The following MRTFB variants were observed in gnomAD, a reference collection of about 807,000 sequenced individuals.
MRTFB encodes myocardin-related transcription factor B.
A neutral mutation model predicts 104.2 loss-of-function variants in MRTFB; 29 were observed. The ratio of observed to expected loss-of-function variants is 0.28; its 90% CI spans 0.21 to 0.38. The LOEUF (loss-of-function observed/expected upper bound fraction) is 0.38. MRTFB is among the 10% of genes least tolerant of loss of function. MRTFB has a pLI of 1.00. For synonymous variants in MRTFB, 535 were observed against 519.5 expected, an observed-to-expected ratio of 1.03 and a Z score of -0.41; for missense variants, 1,270 against 1,341.6, an observed-to-expected ratio of 0.95 and a Z score of 0.83.
At chr16:14,226,702 TG>T (rs2042017831) in intron 8 of MRTFB, among the ~76,000 whole-genome samples, 1 of 152,082 alleles carries the variant, frequency 6.6e-6, no homozygotes, top group Non-Finnish European at 1.5e-5. Flanking sequence ...TGGCCAGACA[TG>T]GTGACTCACG....
chr16:14,177,947 T>A lies in MRTFB; in HGVS notation c.155-32296T>A, dbSNP rs941901213. Among the ~76,000 whole-genome samples the A allele has an allele frequency of 6.8e-6, 1 of 147,094 alleles. No homozygotes were observed. The highest frequency in any genetic ancestry group is 2.1e-4 in the East Asian group (1 of 4,758). ...GTGTGTGTGTGTGTGCACGCATTGG[T>A]GGGTGTTTAGAGTTAATAATTGATG... On this transcript the variant is annotated intron_variant, in intron 3 of 16. Transcript: ENST00000571589. The surrounding 1 kb of genome is among the most constrained non-coding windows in gnomAD (Gnocchi z 4.7).
At chr16:14,186,606 A>T in intron 3 of MRTFB, 1 of 831,814 alleles carries the variant, frequency 1.2e-6, no homozygotes, top group Non-Finnish European at 1.6e-6. Context: ...GGAAGCTGGA[A>T]TGGCAAGGGA....
intron 2 of MRTFB, among the ~76,000 whole-genome samples, chr16:14,126,214 C>T (rs1457564782): frequency 6.6e-6 from 1 of 151,848 alleles, no homozygotes; most frequent in Admixed American, 6.6e-5. Context: ...TTTAAAAAAA[C>T]CTTAGTTTAT....
intron 2 of MRTFB, among the ~76,000 whole-genome samples, chr16:14,120,307 TGTCA>T (rs2142278853): frequency 6.6e-6 from 1 of 152,332 alleles, no homozygotes; most frequent in African/African-American, 2.4e-5. Flanking sequence ...AAGTCATACT[TGTCA>T]GTCTGTTCAT....
intron 2 of MRTFB, among the ~76,000 whole-genome samples, chr16:14,109,187 A>G (rs1345689275): frequency 6.6e-6 from 1 of 152,194 alleles, no homozygotes; most frequent in African/African-American, 2.4e-5. Context: ...GCTGTTCCCA[A>G]GGAAGCTGTT....
intron 3 of MRTFB, chr16:14,143,874 C>G (rs938897508): frequency 6.6e-6 from 1 of 152,030 alleles, no homozygotes; most frequent in Non-Finnish European, 1.5e-5. Flanking sequence ...GTTATGATTA[C>G]CTAGTGAAAA....
At chr16:14,226,271 T>C (rs150082406) in intron 8 of MRTFB, among the ~76,000 whole-genome samples, 5 of 152,304 alleles carry the variant, frequency 3.3e-5, no homozygotes, top group Admixed American at 1.3e-4. Flanking sequence ...TTAAAAAAGT[T>C]AGAGGTCTCA....
At chr16:14,146,244 C>G in intron 3 of MRTFB, among the ~76,000 whole-genome samples, 1 of 152,210 alleles carries the variant, frequency 6.6e-6, no homozygotes, top group Non-Finnish European at 1.5e-5. Flanking sequence ...TCAGTATCAT[C>G]TACCTCCCTC....
At chr16:14,031,081 A>T in the MRTFB span, among the ~76,000 whole-genome samples, 4 of 152,208 alleles carry the variant, frequency 2.6e-5, no homozygotes, top group Non-Finnish European at 4.4e-5. Flanking sequence ...GCCCCAAATG[A>T]GAGACTTTCC....
intron 8 of MRTFB, among the ~76,000 whole-genome samples, chr16:14,224,733 C>A (rs770031007): frequency 5.9e-5 from 9 of 152,084 alleles, no homozygotes; most frequent in Non-Finnish European, 1.0e-4. Flanking sequence ...GTATATCCAG[C>A]AAAATTGTTT....
chr16:14,258,166 G>A lies in MRTFB; in HGVS notation c.2764+5G>A, dbSNP rs747202540. ...ATATCCTCATTAAGAGTGGAGGTAA[G>A]TCAAAAGTCACATCAGATCCTCCCA... On this transcript the variant is annotated splice_donor_5th_base_variant and intron_variant, in intron 16 of 16. Transcript: ENST00000571589. 2 of 1,613,104 alleles carry A rather than the reference G, an allele frequency of 1.2e-6. No homozygotes were observed. The highest frequency in any genetic ancestry group is 1.7e-6 in the Non-Finnish European group (2 of 1,179,200).
the MRTFB span, among the ~76,000 whole-genome samples, chr16:14,037,320 G>T: frequency 6.6e-6 from 1 of 152,182 alleles, no homozygotes; most frequent in African/African-American, 2.4e-5. Flanking sequence ...TTATTGTTAT[G>T]GCAATGGCAT....
rs2035719575 is a variant in MRTFB, at chr16:14,101,847, G to T, written c.-64+22493G>T. 2.0e-5 allele frequency among the ~76,000 whole-genome samples: 3 copies of T among 152,038 alleles called. No homozygotes were observed. The South Asian group carries it at 6.2e-4, about 32-fold the overall frequency. On this transcript the variant is annotated intron_variant, in intron 2 of 16. Transcript: ENST00000571589. ...AAAAAGGATTTTCATCATTAAAAAG[G>T]CATAGAATTCTATGATTTTTTAAAT...
chr16:14,104,174 C>T (rs2035851261), intron 2 of MRTFB, among the ~76,000 whole-genome samples: 1 of 152,084 alleles, frequency 6.6e-6, no homozygotes. Context: ...AGGTATGAGG[C>T]CAGGCCCTGA....
chr16:14,113,474 A>G (rs2036381177), intron 2 of MRTFB, among the ~76,000 whole-genome samples: 1 of 152,270 alleles, frequency 6.6e-6, no homozygotes, highest in Non-Finnish European at 1.5e-5. Flanking sequence ...CAGGAGGCCT[A>G]AAGAAGGAGG....
chr16:14,066,242 A>AT, the MRTFB span, among the ~76,000 whole-genome samples: 2 of 150,782 alleles, frequency 1.3e-5, no homozygotes, highest in African/African-American at 4.9e-5. Context: ...TTTATTTTTA[A>AT]TTTATTTTTA....
chr16:14,091,195 C>G (rs2035044224), intron 2 of MRTFB, among the ~76,000 whole-genome samples: 1 of 152,058 alleles, frequency 6.6e-6, no homozygotes, highest in African/African-American at 2.4e-5. Flanking sequence ...AGGACCTGAA[C>G]TAGGGCACTG....
the MRTFB span, among the ~76,000 whole-genome samples, chr16:14,052,071 C>T: frequency 2.6e-5 from 4 of 152,102 alleles, no homozygotes; most frequent in Admixed American, 2.6e-4. Context: ...GCGCGCCACC[C>T]ACCCTTACAC....
At chr16:14,211,596 G>C (rs2041191624) in intron 4 of MRTFB, among the ~76,000 whole-genome samples, 1 of 152,288 alleles carries the variant, frequency 6.6e-6, no homozygotes, top group African/African-American at 2.4e-5. Context: ...ATTTTGCAAA[G>C]ATAATTGATA....
Sources: allele counts gnomAD v4.1 joint callset (sites outside exome capture counted in the v4.1 genomes callset), GRCh38; gene constraint gnomAD v4.1.1; non-coding constraint Gnocchi (gnomAD v3.1); transcripts MANE v1.5; gene names NCBI Gene and HGNC (gene_info 2026-07-23, HGNC 2026-07-21).